TAOK3: variants seen among roughly 807,000 people sequenced by gnomAD.
The protein encoded by TAOK3 is serine/threonine-protein kinase TAO3.
Under a neutral mutation model 120.4 loss-of-function variants are expected in TAOK3, and 40 were observed. The observed-to-expected ratio is 0.33, with a 90% CI of 0.26 to 0.43. TAOK3 has a LOEUF of 0.43. Ranked by LOEUF, TAOK3 falls within the 20% of genes least tolerant of loss-of-function variation. TAOK3 has a pLI of 1.00. For synonymous variants in TAOK3, 355 were observed against 387.5 expected, an observed-to-expected ratio of 0.92 and a Z score of 0.99; for missense variants, 821 against 1,112.1, an observed-to-expected ratio of 0.74 and a Z score of 3.72.
Position 118,234,790 on chromosome 12 carries a change from C to A in TAOK3, c.551+768G>T, listed in dbSNP as rs944569062. 1.3e-5 allele frequency among the ~76,000 whole-genome samples: 2 copies of A among 152,298 alleles called. 1 individual carries two copies. Among genetic ancestry groups the A allele is most frequent in the South Asian group, 4.1e-4 (2 of 4,834 alleles). On this transcript the variant is annotated intron_variant, in intron 8 of 20. Transcript: ENST00000392533. The stretch of plus-strand genomic sequence containing the variant: ...AATATAATCAGCTGTTCCAAAGATA[C>A]TAAAACCTACAAAAACCCTAGGTTG...
At chr12:118,315,061 G>A (rs1328188151) in intron 1 of TAOK3, among the ~76,000 whole-genome samples, 1 of 152,052 alleles carries the variant, frequency 6.6e-6, no homozygotes, top group Non-Finnish European at 1.5e-5. Context: ...CTCCCGACTA[G>A]CTGGGATTAC....
chr12:118,342,305 T>C (rs976325627), intron 1 of TAOK3, among the ~76,000 whole-genome samples: 1 of 152,192 alleles, frequency 6.6e-6, no homozygotes, highest in African/African-American at 2.4e-5. Context: ...GATACTACTA[T>C]GTAAGTATGA....
intron 9 of TAOK3, 110 bp from the exon 10 acceptor site, chr12:118,214,220 T>G: frequency 1.3e-6 from 1 of 768,508 alleles, no homozygotes; most frequent in Non-Finnish European, 2.1e-6. Context: ...CTCATTACTG[T>G]CATCATGCCA....
At chr12:118,247,805 G>C (rs1166273079) in intron 3 of TAOK3, among the ~76,000 whole-genome samples, 1 of 152,098 alleles carries the variant, frequency 6.6e-6, no homozygotes, top group African/African-American at 2.4e-5. Context: ...GTGAGCTACT[G>C]CTCCCAGCCT....
intron 4 of TAOK3, among the ~76,000 whole-genome samples, chr12:118,244,489 T>TA (rs1046182845): frequency 6.6e-6 from 1 of 150,894 alleles, no homozygotes; most frequent in Non-Finnish European, 1.5e-5. Flanking sequence ...AAAATTGTTC[T>TA]AAAAAAAAGT....
intron 11 of TAOK3, 86 bp from the exon 12 acceptor site, chr12:118,201,549 CAT>C: frequency 6.0e-6 from 7 of 1,175,498 alleles, no homozygotes; most frequent in Non-Finnish European, 8.1e-6. Context: ...AATAGAGAAT[CAT>C]AAAATAGTTC....
chr12:118,233,236 A>C (rs989990259), intron 9 of TAOK3, among the ~76,000 whole-genome samples: 9 of 118,546 alleles, frequency 7.6e-5, no homozygotes, highest in African/African-American at 2.6e-4. Context: ...GGAACATCAC[A>C]ATCCGGGGCC....
Position 118,183,062 on chromosome 12 carries a change from A to G in TAOK3, c.1330-1455T>C, listed in dbSNP as rs1477619538. On this transcript the variant is annotated intron_variant, in intron 14 of 20. Coordinates refer to ENST00000392533, the MANE Select transcript of TAOK3 (RefSeq NM_016281.4). ...TTAGAAAAAAAATCTTAATTCCAGG[A>G]TTGTAACTTTAGTCTTGTTCTTCAC... Among the ~76,000 whole-genome samples, 29 of 151,856 alleles carry G rather than the reference A, an allele frequency of 1.9e-4. 1 individual carries two copies. Among genetic ancestry groups the G allele is most frequent in the Admixed American group, 1.8e-3 (28 of 15,250 alleles).
At chr12:118,176,549 AG>A (rs2036343356) in intron 16 of TAOK3, among the ~76,000 whole-genome samples, 1 of 152,182 alleles carries the variant, frequency 6.6e-6, no homozygotes, top group Non-Finnish European at 1.5e-5. Flanking sequence ...AATGGTTTAG[AG>A]TTATATCAAT....
chr12:118,209,234 A>G (rs1314758383), intron 11 of TAOK3, among the ~76,000 whole-genome samples: 1 of 152,222 alleles, frequency 6.6e-6, no homozygotes. Context: ...AAGCAAAAAG[A>G]AAAATCAGGG....
At chr12:118,313,267 TTTTTA>T (rs1288624348) in intron 1 of TAOK3, among the ~76,000 whole-genome samples, 142 of 152,000 alleles carry the variant, frequency 9.3e-4, no homozygotes, top group Non-Finnish European at 1.1e-3. Flanking sequence ...TCTTTTTTAT[TTTTTA>T]TTTTATTTTA....
In TAOK3 at chr12:118,319,520, G is replaced by C. The variant is rs140792466; in HGVS notation, c.-193-52761C>G. 9.8e-4 allele frequency among the ~76,000 whole-genome samples: 149 copies of C among 152,014 alleles called. 1 individual carries two copies. The highest frequency in any genetic ancestry group is 3.2e-3 in the African/African-American group (134 of 41,484). On this transcript the variant is annotated intron_variant, in intron 1 of 20. Coordinates refer to ENST00000392533, the MANE Select transcript of TAOK3 (RefSeq NM_016281.4). The stretch of plus-strand genomic sequence containing the variant: ...CGACCCAATTTTGAAATGAGAACTA[G>C]AAAACTTAATATTGTCAAGGACTTG...
Position 118,266,652 on chromosome 12 carries a change from T to A in TAOK3, c.-89+3A>T. 2.5e-6 allele frequency: 1 copy of A among 398,150 alleles called. No individual in the cohort carries two copies. Among genetic ancestry groups the A allele is most frequent in the Non-Finnish European group, 4.4e-6 (1 of 225,830 alleles). The allele number at this position is 398,150 out of a possible 1,614,324, so 24.7% of individuals were successfully genotyped here. A position where few individuals can be genotyped will look rare whatever the true frequency, so the allele number is the denominator to read the frequency against. ...GGAGAAAGCTAAGTTGTATGGACAA[T>A]ACCTTTTTGTGTGTGGCACAAAATA... is the stretch of plus-strand genomic sequence containing the variant. On this transcript the variant is annotated splice_donor_region_variant and intron_variant, in intron 2 of 20. Transcript: ENST00000392533.
At chr12:118,339,379 C>T (rs748466512) in intron 1 of TAOK3, among the ~76,000 whole-genome samples, 1 of 146,364 alleles carries the variant, frequency 6.8e-6, no homozygotes, top group African/African-American at 2.5e-5. Flanking sequence ...CCGCCTCCAG[C>T]GTTCAGGCGA....
rs1406098516 is a variant in TAOK3, at chr12:118,192,630, G to C, written c.1195-2689C>G. ...AGCTTATGAAGCTATTTAAAAATGG[G>C]AGAATGTAACTTGAGAAGTAAGCTC... is the stretch of plus-strand genomic sequence containing the variant. On this transcript the variant is annotated intron_variant, in intron 13 of 20. Transcript: ENST00000392533. Among the ~76,000 whole-genome samples, 3 of 152,186 alleles carry C rather than the reference G, an allele frequency of 2.0e-5. No homozygotes were observed. The East Asian group carries it at 5.8e-4, about 29-fold the overall frequency.
At chr12:118,187,858 C>T (rs1322265160) in intron 14 of TAOK3, among the ~76,000 whole-genome samples, 4 of 152,112 alleles carry the variant, frequency 2.6e-5, no homozygotes, top group South Asian at 2.1e-4. Context: ...GAAGCCTGTA[C>T]GATTCAGAGG....
intron 1 of TAOK3, among the ~76,000 whole-genome samples, chr12:118,360,502 A>G (rs1323037220): frequency 6.9e-6 from 1 of 144,700 alleles, no homozygotes; most frequent in African/African-American, 2.6e-5. Flanking sequence ...AGGAAGGCGG[A>G]GCTTGCAGTG....
chr12:118,177,405 A>T, intron 15 of TAOK3, 76 bp from the exon 16 acceptor site: 1 of 1,281,820 alleles, frequency 7.8e-7, no homozygotes, highest in Non-Finnish European at 1.1e-6. Context: ...TCTCCAGTGC[A>T]GTAAGACAGT....
intron 11 of TAOK3, among the ~76,000 whole-genome samples, chr12:118,211,639 G>T (rs753973219): frequency 7.3e-6 from 1 of 137,798 alleles, no homozygotes. Flanking sequence ...TAAAGAGATG[G>T]TATTTTCACT....
Sources: allele counts gnomAD v4.1 joint callset (sites outside exome capture counted in the v4.1 genomes callset), GRCh38; gene constraint gnomAD v4.1.1; transcripts MANE v1.5; gene names NCBI Gene and HGNC (gene_info 2026-07-23, HGNC 2026-07-21).